BCL2: variants seen among roughly 807,000 people sequenced by gnomAD.
BCL2 encodes BCL2 apoptosis regulator, also known as apoptosis regulator Bcl-2.
A neutral mutation model predicts 14.2 loss-of-function variants in BCL2; 1 was observed. That is an observed-to-expected ratio of 0.07 (90% CI 0.02 to 0.33). The LOEUF (loss-of-function observed/expected upper bound fraction) is 0.33. BCL2 is among the 10% of genes least tolerant of loss of function. BCL2 has a pLI of 0.99. For missense variants in BCL2, 247 were observed against 305.9 expected (o/e 0.81, Z 1.44); for synonymous variants, 151 against 137.2 (o/e 1.10, Z -0.70).
intron 2 of BCL2, among the ~76,000 whole-genome samples, chr18:63,306,591 A>G (rs1336521705): frequency 6.6e-6 from 1 of 152,104 alleles, no homozygotes; most frequent in Admixed American, 6.5e-5. Flanking sequence ...GGTTCCTCCC[A>G]CCCACTTCAC....
intron 2 of BCL2, among the ~76,000 whole-genome samples, chr18:63,288,731 T>C (rs1222401859): frequency 1.3e-5 from 2 of 152,254 alleles, no homozygotes; most frequent in African/African-American, 4.8e-5. Flanking sequence ...AGTTGCAAAC[T>C]ACCAAGAAAG....
chr18:63,175,940 A>G lies in BCL2; in HGVS notation c.586-47181T>C, dbSNP rs76499007. On this transcript the variant is annotated intron_variant, in intron 2 of 2. Transcript: ENST00000333681. The stretch of plus-strand genomic sequence containing the variant: ...GACATGGGAGGCACTCACACTGGAG[A>G]TGTGACTTGTTATGATGGAAGGATA... 7.0e-3 allele frequency among the ~76,000 whole-genome samples: 1,072 copies of G among 152,242 alleles called. 32 individuals are homozygous for G. Among genetic ancestry groups the G allele is most frequent in the East Asian group, 0.064 (332 of 5,190 alleles).
intron 2 of BCL2, among the ~76,000 whole-genome samples, chr18:63,166,813 T>C (rs989143760): frequency 6.6e-6 from 1 of 152,214 alleles, no homozygotes; most frequent in Non-Finnish European, 1.5e-5. Context: ...AGGGACACTA[T>C]CGTCTTATAC....
At chr18:63,232,243 C>A (rs1418452568) in intron 2 of BCL2, among the ~76,000 whole-genome samples, 1 of 150,360 alleles carries the variant, frequency 6.7e-6, no homozygotes, top group Non-Finnish European at 1.5e-5. Flanking sequence ...AAGTGAGGGA[C>A]TGACAAAAAA....
Position 63,125,132 on chromosome 18 carries a change from A to G in BCL2, c.*3493T>C, listed in dbSNP as rs1913877396. 1 of 221,078 alleles carries G rather than the reference A, an allele frequency of 4.5e-6. No individual in the cohort carries two copies. The highest frequency in any genetic ancestry group is 2.2e-5 in the African/African-American group (1 of 44,678). The allele number at this position is 221,078 out of a possible 1,614,324, so 13.7% of individuals were successfully genotyped here. The stretch of plus-strand genomic sequence containing the variant: ...TCCTCTCGATTTATAATCACTTCCT[A>G]ATTTTTCCCACTGGGCCAGAGCTAC... On this transcript the variant is annotated 3_prime_UTR_variant, in exon 3 of 3. Transcript: ENST00000333681.
rs751822316 is a variant in BCL2, at chr18:63,318,514, G to A, written c.153C>T (p.Ser51=). Residue 51 remains serine (S), a synonymous_variant, in exon 2 of 3, where the codon TCC becomes TCT. Coordinates refer to ENST00000333681, the MANE Select transcript of BCL2 (RefSeq NM_000633.3). This position sits in a 1 kb window ranked among gnomAD's most constrained non-coding sequence, Gnocchi z 7.4. ...CTGGATGGGGCGTGTGCCCGGGCTG[G>A]GAGGAGAAGATGCCCGGTGCGGGGG... ...GAAPAPGIFS[S]QPGHTPHPAA... 3.2e-6 allele frequency: 5 copies of A among 1,562,842 alleles called. No homozygotes were observed. Among genetic ancestry groups the A allele is most frequent in the South Asian group, 1.2e-5 (1 of 86,728 alleles).
chr18:63,184,202 T>C (rs1304675397), intron 2 of BCL2, among the ~76,000 whole-genome samples: 1 of 152,190 alleles, frequency 6.6e-6, no homozygotes, highest in Non-Finnish European at 1.5e-5. Context: ...AAGAAGACCT[T>C]GGGAATGCAC....
chr18:63,127,801 G>A lies in BCL2; in HGVS notation c.*824C>T. 1 of 225,922 alleles carries A rather than the reference G, an allele frequency of 4.4e-6. No homozygotes were observed. Among genetic ancestry groups the A allele is most frequent in the Non-Finnish European group, 8.8e-6 (1 of 113,254 alleles). 14.0% of individuals were successfully genotyped at this position (225,922 alleles called of 1,614,324 possible). A position where few individuals can be genotyped will look rare whatever the true frequency, so the allele number is the denominator to read the frequency against. On this transcript the variant is annotated 3_prime_UTR_variant, in exon 3 of 3. Transcript: ENST00000333681. ...AGACAGAGCCAGTATTGGGAGTTGG[G>A]GGGTGCGTATCCAAAATATATGAAT...
chr18:63,243,587 G>A (rs1456923935), intron 2 of BCL2, among the ~76,000 whole-genome samples: 1 of 152,188 alleles, frequency 6.6e-6, no homozygotes, highest in African/African-American at 2.4e-5. Flanking sequence ...TCTGTGCAGG[G>A]AGGAGGGGTA....
intron 2 of BCL2, among the ~76,000 whole-genome samples, chr18:63,194,834 T>C (rs1003922280): frequency 6.6e-6 from 1 of 152,192 alleles, no homozygotes; most frequent in South Asian, 2.1e-4. Flanking sequence ...AGGTCAGTGA[T>C]ACCCAGGAGA....
chr18:63,283,837 C>T (rs991932801), intron 2 of BCL2, among the ~76,000 whole-genome samples: 2 of 152,224 alleles, frequency 1.3e-5, no homozygotes, highest in Non-Finnish European at 2.9e-5. Flanking sequence ...AGCAAAGACA[C>T]ATTCAAATGT....
intron 2 of BCL2, among the ~76,000 whole-genome samples, chr18:63,239,048 C>T (rs11663275): frequency 0.15 from 22,135 of 152,180 alleles, 1,810 homozygotes; most frequent in Non-Finnish European, 0.18. Context: ...TTGGTGCTTC[C>T]TATAACATTT....
Position 63,184,531 on chromosome 18 carries a change from C to A in BCL2, c.586-55772G>T, listed in dbSNP as rs1048813868. ...AAGTCCATAGAGCTCTGCTTTGCAC[C>A]AATCTCTTTAGGGAAATTTTGCAGA... On this transcript the variant is annotated intron_variant, in intron 2 of 2. Transcript: ENST00000333681. 1.7e-4 allele frequency among the ~76,000 whole-genome samples: 26 copies of A among 152,198 alleles called. 1 individual carries two copies. The highest frequency in any genetic ancestry group is 4.4e-5 in the Non-Finnish European group (3 of 68,026).
intron 2 of BCL2, among the ~76,000 whole-genome samples, chr18:63,312,702 GC>G (rs948948534): frequency 6.6e-6 from 1 of 152,150 alleles, no homozygotes; most frequent in Non-Finnish European, 1.5e-5. Context: ...CAAAGGAAGA[GC>G]CCCCGCTCTG....
intron 2 of BCL2, among the ~76,000 whole-genome samples, chr18:63,243,607 G>A (rs1398423352): frequency 6.6e-6 from 1 of 152,170 alleles, no homozygotes; most frequent in African/African-American, 2.4e-5. Flanking sequence ...AATGTCCCAG[G>A]GTGAGGGCTG....
At chr18:63,209,179 C>T (rs1909927628) in intron 2 of BCL2, among the ~76,000 whole-genome samples, 1 of 152,174 alleles carries the variant, frequency 6.6e-6, no homozygotes, top group Admixed American at 6.5e-5. Flanking sequence ...ACCCGGCCTC[C>T]TCTTCATTCA....
At chr18:63,283,315 C>T (rs1912366647) in intron 2 of BCL2, among the ~76,000 whole-genome samples, 1 of 152,230 alleles carries the variant, frequency 6.6e-6, no homozygotes, top group African/African-American at 2.4e-5. Context: ...TCTTTGGTTG[C>T]TAGCTCTCAA....
At chr18:63,279,034 T>C (rs574809783) in intron 2 of BCL2, among the ~76,000 whole-genome samples, 3 of 152,230 alleles carry the variant, frequency 2.0e-5, no homozygotes, top group Non-Finnish European at 4.4e-5. Context: ...AGCATTCATA[T>C]AACTCAATTC....
At chr18:63,293,404 T>C (rs1183604965) in intron 2 of BCL2, among the ~76,000 whole-genome samples, 1 of 152,156 alleles carries the variant, frequency 6.6e-6, no homozygotes, top group Non-Finnish European at 1.5e-5. Flanking sequence ...AATATGCAGG[T>C]TGTCACCTGC....
Sources: gnomAD v4.1 joint callset for allele counts (sites outside exome capture counted in the v4.1 genomes callset) on GRCh38, gnomAD v4.1.1 for gene constraint, Gnocchi (gnomAD v3.1) non-coding constraint, MANE v1.5 for transcripts, NCBI Gene and HGNC (gene_info 2026-07-23, HGNC 2026-07-21) for gene names.